MVP: variants seen among roughly 807,000 people sequenced by gnomAD.
MVP encodes the protein lung resistance-related protein.
MVP carries 62 observed loss-of-function variants against 83.5 expected under a neutral mutation model. That is an observed-to-expected ratio of 0.74 (90% CI 0.61 to 0.92). The LOEUF (loss-of-function observed/expected upper bound fraction) is 0.92. Ranked by LOEUF, MVP falls within the 40% of genes least tolerant of loss-of-function variation. The pLI is 0.00. For synonymous variants in MVP, 505 were observed against 504.1 expected, an observed-to-expected ratio of 1.00 and a Z score of -0.02; for missense variants, 1,000 against 1,203.4, an observed-to-expected ratio of 0.83 and a Z score of 2.50.
At chr16:29,825,755 T>G (rs1219873515) in intron 1 of MVP, among the ~76,000 whole-genome samples, 1 of 152,190 alleles carries the variant, frequency 6.6e-6, no homozygotes, top group African/African-American at 2.4e-5. Context: ...TGGAGAGGCC[T>G]CAGCTGTGGG....
At chr16:29,829,191 A>G (rs2067423808) in intron 1 of MVP, among the ~76,000 whole-genome samples, 1 of 151,600 alleles carries the variant, frequency 6.6e-6, no homozygotes, top group African/African-American at 2.4e-5. Context: ...ACCAGACAAA[A>G]GAGGCTCCTC....
At position 29,840,196 on chromosome 16, in the gene MVP, C is replaced by T. The variant is rs1391067088; in HGVS notation, c.928C>T (p.Leu310Phe). The change falls in exon 8 of 15, where the codon CTC becomes TTC. Residue 310 changes from leucine (L) to phenylalanine (F), a missense_variant. Coordinates refer to ENST00000357402, the MANE Select transcript of MVP (RefSeq NM_005115.5). ...RVVKGEKSFF[L>F]QPGEQLEQGI... is the part of the protein sequence containing the mutation. ...CCACTAGGGAGAGAAGTCTTTTTTC[C>T]TCCAGCCAGGAGAGCAGCTGGAACA... is the stretch of plus-strand genomic sequence containing the variant. 1.9e-6 allele frequency: 3 copies of T among 1,607,644 alleles called. No individual in the cohort carries two copies. The highest frequency in any genetic ancestry group is 1.1e-5 in the South Asian group (1 of 90,620).
intron 12 of MVP, 40 bp from the exon 13 acceptor site, chr16:29,846,118 G>A: frequency 6.2e-7 from 1 of 1,600,822 alleles, no homozygotes; most frequent in Non-Finnish European, 8.5e-7. Context: ...GGGGGACTGG[G>A]CTGTCTCCCG....
At position 29,846,325 on chromosome 16, in the gene MVP, C is replaced by T. The variant is rs746012146; in HGVS notation, c.2265+41C>T. On this transcript the variant is annotated intron_variant, in intron 13 of 14. Transcript: ENST00000357402. ...CATTAAGAAGAGGGTGGCCTTGAGT[C>T]CTGGAAAAGGCCCATTCCCTACAGT... is the stretch of plus-strand genomic sequence containing the variant. 1.7e-5 allele frequency: 26 copies of T among 1,530,344 alleles called. No individual in the cohort carries two copies. In the South Asian group the frequency reaches 3.2e-4, roughly 19 times the overall value. 94.8% of individuals were successfully genotyped at this position (1,530,344 alleles called of 1,614,324 possible).
chr16:29,837,630 T>A (rs2067499192), intron 7 of MVP, among the ~76,000 whole-genome samples: 1 of 152,018 alleles, frequency 6.6e-6, no homozygotes, highest in South Asian at 2.1e-4. Flanking sequence ...GGCACACACC[T>A]GTAATTCCAG....
In MVP at chr16:29,847,995, G is replaced by A; in HGVS notation, c.*6G>A. The A allele has an allele frequency of 2.5e-6, 4 of 1,603,872 alleles. No individual in the cohort carries two copies. Among genetic ancestry groups the A allele is most frequent in the Non-Finnish European group, 3.4e-6 (4 of 1,176,652 alleles). On this transcript the variant is annotated 3_prime_UTR_variant, in exon 15 of 15. Coordinates refer to ENST00000357402, the MANE Select transcript of MVP (RefSeq NM_005115.5). ...TGGTGCCTGTACTGCGCTAACTCCTGATTAATACAATGGAAGTTTCTGGGC... is the reference window on the plus strand; with the variant it reads ...TGGTGCCTGTACTGCGCTAACTCCTAATTAATACAATGGAAGTTTCTGGGC...
At chr16:29,845,660 C>A (rs768523935) in intron 11 of MVP, among the ~76,000 whole-genome samples, 1 of 152,196 alleles carries the variant, frequency 6.6e-6, no homozygotes. Flanking sequence ...AGTAGGGGGC[C>A]GCAGTCACGC....
chr16:29,830,709 G>T, intron 2 of MVP, 35 bp downstream of exon 2: 2 of 1,609,618 alleles, frequency 1.2e-6, no homozygotes, highest in East Asian at 2.2e-5. Flanking sequence ...GGGATCCTTG[G>T]GGATGTGGGG....
At chr16:29,824,275 C>T (rs963928408) in intron 1 of MVP, among the ~76,000 whole-genome samples, 9 of 150,120 alleles carry the variant, frequency 6.0e-5, no homozygotes, top group African/African-American at 2.2e-4. Context: ...CAGCCCGAGC[C>T]GAGAGTCTGC....
intron 6 of MVP, 100 bp from the exon 7 acceptor site, chr16:29,836,620 CTG>C (rs1234609832): frequency 2.3e-6 from 2 of 869,690 alleles, no homozygotes; most frequent in Non-Finnish European, 3.5e-6. Context: ...GAAATTGTCT[CTG>C]AGATCTGGGA....
In MVP at chr16:29,831,043, C is replaced by T. The variant is rs936002571; in HGVS notation, c.291C>T (p.Phe97=). 1.2e-6 allele frequency: 2 copies of T among 1,613,172 alleles called. No homozygotes were observed. Among genetic ancestry groups the T allele is most frequent in the African/African-American group, 1.3e-5 (1 of 74,910 alleles). Residue 97 remains phenylalanine (F), a synonymous_variant, in exon 3 of 15, where the codon TTC becomes TTT. Coordinates refer to ENST00000357402, the MANE Select transcript of MVP (RefSeq NM_005115.5). ...DLEIRLAQDP[F]PLYPGEVLEK... is the part of the protein sequence containing the mutation. ...AGATCCGGCTGGCCCAGGACCCCTT[C>T]CCCCTGTACCCAGGGGAGGTGCTGG...
chr16:29,845,886 A>C lies in MVP; in HGVS notation c.2045A>C (p.Gln682Pro). 1 of 1,614,066 alleles carries C rather than the reference A, an allele frequency of 6.2e-7. No homozygotes were observed. The highest frequency in any genetic ancestry group is 1.1e-5 in the South Asian group (1 of 91,078). The change falls in exon 12 of 15, where the codon CAG (glutamine) becomes CCG (proline). Residue 682 changes from glutamine to proline, a missense_variant. Physicochemically the swap from Gln to Pro is moderately conservative, Grantham distance 76. Transcript: ENST00000357402. ...AAKHEAQRLE[Q>P]EARGRLERQK... ...AGGCATGAGGCTCAGAGACTGGAGCAGGAAGCCCGCGGCCGGCTTGAGCGG... is the reference window on the plus strand; with the variant it reads ...AGGCATGAGGCTCAGAGACTGGAGCCGGAAGCCCGCGGCCGGCTTGAGCGG...
Position 29,847,742 on chromosome 16 carries a change from C to T in MVP, c.2455-20C>T. The T allele has an allele frequency of 6.2e-7, 1 of 1,611,314 alleles. No individual in the cohort carries two copies. Among genetic ancestry groups the T allele is most frequent in the Non-Finnish European group, 8.5e-7 (1 of 1,177,970 alleles). On this transcript the variant is annotated intron_variant, in intron 14 of 14. Transcript: ENST00000357402. ...AGGGTTTGACGCCCATCTCAACTTC[C>T]TCCTGTTCTCACCCTCCAGGTAAAA...
chr16:29,841,308 T>A lies in MVP; in HGVS notation c.1192-288T>A, dbSNP rs1287835658. ...TGAGCACCTTCTCTATGCCAAGAGC[T>A]GTTTGAGCTAGACATGTGAAGATGT... On this transcript the variant is annotated intron_variant, in intron 8 of 14. Coordinates refer to ENST00000357402, the MANE Select transcript of MVP (RefSeq NM_005115.5). The surrounding 1 kb of genome is among the most constrained non-coding windows in gnomAD (Gnocchi z 4.7). 6.6e-6 allele frequency among the ~76,000 whole-genome samples: 1 copy of A among 152,138 alleles called. No individual in the cohort carries two copies. The highest frequency in any genetic ancestry group is 1.5e-5 in the Non-Finnish European group (1 of 68,020).
chr16:29,840,549 C>A (rs2150757980), intron 8 of MVP, 90 bp downstream of exon 8: 2 of 1,435,464 alleles, frequency 1.4e-6, no homozygotes, highest in South Asian at 2.8e-5. Flanking sequence ...TGGGCAGGGA[C>A]TTCAGCAGCA....
chr16:29,847,083 A>G, intron 13 of MVP, 114 bp from the exon 14 acceptor site: 1 of 1,186,074 alleles, frequency 8.4e-7, no homozygotes, highest in East Asian at 2.4e-5. Flanking sequence ...CCAGCTACCC[A>G]GGAGGCTGAG....
chr16:29,828,742 G>A (rs2067420702), intron 1 of MVP, among the ~76,000 whole-genome samples: 1 of 152,214 alleles, frequency 6.6e-6, no homozygotes, highest in Non-Finnish European at 1.5e-5. Flanking sequence ...GGCAGCAGGG[G>A]GTGGTGGGGA....
intron 13 of MVP, among the ~76,000 whole-genome samples, chr16:29,846,681 A>G (rs1161557382): frequency 1.3e-5 from 2 of 152,148 alleles, no homozygotes; most frequent in Non-Finnish European, 2.9e-5. Context: ...AACATGGTGA[A>G]ACCCCATCTC....
At chr16:29,833,128 C>G (rs1205010096) in intron 3 of MVP, among the ~76,000 whole-genome samples, 2 of 151,880 alleles carry the variant, frequency 1.3e-5, no homozygotes, top group African/African-American at 4.8e-5. Context: ...ACTCAGGAGG[C>G]TGAGACAGAA....
Sources: gnomAD v4.1 joint callset for allele counts (sites outside exome capture counted in the v4.1 genomes callset) on GRCh38, gnomAD v4.1.1 for gene constraint, Gnocchi (gnomAD v3.1) non-coding constraint, MANE v1.5 for transcripts, NCBI Gene and HGNC (gene_info 2026-07-23, HGNC 2026-07-21) for gene names.